Variants in DBX2 observed in about 807,000 individuals in gnomAD.
The protein encoded by DBX2 is developing brain homeobox 2, also known as homeobox protein DBX2.
DBX2 carries 16 observed loss-of-function variants against 17.7 expected under a neutral mutation model. The observed-to-expected ratio is 0.90, with a 90% CI of 0.61 to 1.37. The LOEUF (loss-of-function observed/expected upper bound fraction) is 1.37, where lower values mean the gene tolerates loss of function less well. Ranked by LOEUF, DBX2 falls within the 40% of genes most tolerant of loss-of-function variation. DBX2 has a pLI of 0.00. For missense variants in DBX2, 538 were observed against 433.8 expected, an observed-to-expected ratio of 1.24 and a Z score of -2.13; for synonymous variants, 255 against 183.8, an observed-to-expected ratio of 1.39 and a Z score of -3.13.
intron 1 of DBX2, among the ~76,000 whole-genome samples, chr12:45,049,441 G>A (rs1037634366): frequency 4.6e-5 from 7 of 152,208 alleles, no homozygotes; most frequent in Non-Finnish European, 1.0e-4. Flanking sequence ...GAATGAGACC[G>A]GTGTTCATAT....
chr12:45,043,279 A>G (rs1420254575), intron 1 of DBX2, among the ~76,000 whole-genome samples: 1 of 152,228 alleles, frequency 6.6e-6, no homozygotes, highest in Non-Finnish European at 1.5e-5. Context: ...TGCTTAACCA[A>G]GAGACATGGC....
intron 1 of DBX2, 144 bp from the exon 2 acceptor site, chr12:45,036,258 G>T (rs1946440597): frequency 4.1e-6 from 3 of 730,018 alleles, no homozygotes; most frequent in East Asian, 6.1e-5. Context: ...AGTAGCCTTT[G>T]TCTGTCAAAG....
At chr12:45,032,550 T>C (rs1459905322) in intron 2 of DBX2, among the ~76,000 whole-genome samples, 3 of 152,208 alleles carry the variant, frequency 2.0e-5, no homozygotes, top group Non-Finnish European at 1.5e-5. Flanking sequence ...AGAAAAATAA[T>C]GTCCCTTCCT....
intron 3 of DBX2, among the ~76,000 whole-genome samples, chr12:45,021,018 T>C (rs1207322592): frequency 6.6e-6 from 1 of 152,114 alleles, no homozygotes; most frequent in Non-Finnish European, 1.5e-5. Context: ...CCATAATAAA[T>C]ACCACGTAAT....
rs1211478579 is a variant in DBX2, at chr12:45,016,308, C to A, written c.998G>T (p.Gly333Val). ...LCSEEEAGSKGVLTGAV is the reference protein window; with the variant it reads ...LCSEEEAGSKVVLTGAV ...CATTCAGACAGCCCCAGTAAGTACA[C>A]CCTTGCTTCCAGCTTCTTCTTCAGA... is the stretch of plus-strand genomic sequence containing the variant. Residue 333 changes from glycine (G) to valine (V), a missense_variant, in exon 4 of 4, where the codon GGT becomes GTT. Gly to Val is a moderately radical substitution (Grantham distance 109, BLOSUM62 -3). Transcript: ENST00000332700. 1.3e-6 allele frequency: 2 copies of A among 1,588,212 alleles called. No homozygotes were observed. Among genetic ancestry groups the A allele is most frequent in the Non-Finnish European group, 1.7e-6 (2 of 1,169,066 alleles).
intron 1 of DBX2, among the ~76,000 whole-genome samples, chr12:45,039,278 T>TGTAC (rs1555142351): frequency 2.3e-4 from 1 of 4,432 alleles, no homozygotes; most frequent in East Asian, 4.5e-3. Context: ...GCATTGAAGG[T>TGTAC]ATATATATAT....
At chr12:45,021,527 CT>C (rs1946352018) in intron 3 of DBX2, among the ~76,000 whole-genome samples, 1 of 152,198 alleles carries the variant, frequency 6.6e-6, no homozygotes, top group Admixed American at 6.5e-5. Context: ...TGCTTTCCAT[CT>C]TTTGACACCT....
intron 3 of DBX2, among the ~76,000 whole-genome samples, chr12:45,019,919 C>T (rs774611769): frequency 9.2e-5 from 14 of 152,074 alleles, no homozygotes; most frequent in East Asian, 1.9e-4. Context: ...GCAAGGAATA[C>T]GCATGAGCTT....
intron 3 of DBX2, among the ~76,000 whole-genome samples, chr12:45,020,341 T>G (rs927683144): frequency 6.6e-6 from 1 of 152,150 alleles, no homozygotes. Context: ...TTTTCAAGGT[T>G]CATCCATATT....
intron 2 of DBX2, among the ~76,000 whole-genome samples, chr12:45,031,225 TGAGAGAGA>T (rs72031074): frequency 3.3e-3 from 286 of 85,648 alleles, no homozygotes; most frequent in Admixed American, 8.5e-3. Context: ...TGTGTGTGTG[TGAGAGAGA>T]GAGAGAGAGA....
Position 45,050,820 on chromosome 12 carries a change from C to G in DBX2, c.108G>C (p.Lys36Asn). The change falls in exon 1 of 4, where the codon AAG becomes AAC. Residue 36 changes from lysine (K) to asparagine (N), a missense_variant. Physicochemically the swap from Lys to Asn is moderately conservative, Grantham distance 94. Transcript: ENST00000332700. ...PAAPGFGNLG[K>N]SFLIENLLRV... The stretch of plus-strand genomic sequence containing the variant: ...GCAGCAAATTCTCGATCAGGAAACT[C>G]TTGCCCAGGTTGCCAAAGCCGGGCG... The G allele has an allele frequency of 6.5e-7, 1 of 1,539,012 alleles. No homozygotes were observed. Among genetic ancestry groups the G allele is most frequent in the Non-Finnish European group, 8.7e-7 (1 of 1,145,324 alleles).
chr12:45,034,057 C>T (rs1489934202), intron 2 of DBX2, among the ~76,000 whole-genome samples: 1 of 151,810 alleles, frequency 6.6e-6, no homozygotes, highest in African/African-American at 2.4e-5. Flanking sequence ...ATCTAGTAAA[C>T]TGGCCCAAAC....
chr12:45,042,435 A>G (rs1946476584), intron 1 of DBX2, among the ~76,000 whole-genome samples: 1 of 152,200 alleles, frequency 6.6e-6, no homozygotes, highest in Non-Finnish European at 1.5e-5. Context: ...TTCCAAGAAG[A>G]AAAGGTTGCA....
intron 2 of DBX2, among the ~76,000 whole-genome samples, chr12:45,031,223 TGTGAGAGAGAGAGA>T (rs985521154): frequency 2.3e-5 from 1 of 44,200 alleles, no homozygotes; most frequent in African/African-American, 7.8e-5. Flanking sequence ...TGTGTGTGTG[TGTGAGAGAGAGAGA>T]GAGAGAGAGA....
Position 45,023,783 on chromosome 12 carries a change from A to G in DBX2, c.611T>C (p.Met204Thr), listed in dbSNP as rs1452473529. 3.7e-6 allele frequency: 6 copies of G among 1,613,798 alleles called. No homozygotes were observed. The highest frequency in any genetic ancestry group is 5.1e-6 in the Non-Finnish European group (6 of 1,179,952). ...SEDQRKALEK[M>T]FQKQKYISKT... is the part of the protein sequence containing the mutation. ...GCTGATATATTTCTGTTTCTGAAAC[A>G]TTTTCTCCAGAGCCTTTCTCTGGTC... Residue 204 changes from methionine (M) to threonine (T), a missense_variant, in exon 3 of 4, where the codon ATG becomes ACG. Met to Thr is a moderately conservative substitution (Grantham distance 81). Coordinates refer to ENST00000332700, the MANE Select transcript of DBX2 (RefSeq NM_001004329.3).
rs1748469139 is a variant in DBX2 at position 45,023,868 on chromosome 12, T to C, written c.526A>G (p.Thr176Ala). 5.0e-6 allele frequency: 8 copies of C among 1,585,028 alleles called. No homozygotes were observed. Among genetic ancestry groups the C allele is most frequent in the Middle Eastern group, 1.7e-4 (1 of 5,892 alleles). Reference sequence around the variant, plus strand: ...CGAGCTTTGGAATTAGAGTCCTGTGTCAGGAGAGGCAGCATGCTCTCTTCT... The same window carrying C: ...CGAGCTTTGGAATTAGAGTCCTGTGCCAGGAGAGGCAGCATGCTCTCTTCT... ...PREESMLPLL[T>A]QDSNSKARRG... Residue 176 changes from threonine to alanine, a missense_variant, in exon 3 of 4, where the codon ACA becomes GCA. Thr to Ala is a moderately conservative substitution (Grantham distance 58). Coordinates refer to ENST00000332700, the MANE Select transcript of DBX2 (RefSeq NM_001004329.3).
chr12:45,043,790 A>G (rs1946484652), intron 1 of DBX2, among the ~76,000 whole-genome samples: 1 of 152,208 alleles, frequency 6.6e-6, no homozygotes, highest in Non-Finnish European at 1.5e-5. Flanking sequence ...CCCTTTTACC[A>G]ATAATTTGCT....
chr12:45,050,875 G>A lies in DBX2; in HGVS notation c.53C>T (p.Ala18Val). ...AHAGAYWDVV[A>V]SSALLNLPAA... ...GGGGAGGTTGAGGAGCGCGGAGGAA[G>A]CCACAACGTCCCAGTACGCACCGGC... Residue 18 changes from alanine (A) to valine (V), a missense_variant, in exon 1 of 4, where the codon GCT becomes GTT. Physicochemically the swap from Ala to Val is moderately conservative, Grantham distance 64 (BLOSUM62 0). Coordinates refer to ENST00000332700, the MANE Select transcript of DBX2 (RefSeq NM_001004329.3). 2.6e-6 allele frequency: 4 copies of A among 1,533,730 alleles called. No individual in the cohort carries two copies. The highest frequency in any genetic ancestry group is 1.2e-5 in the South Asian group (1 of 81,466).
intron 1 of DBX2, among the ~76,000 whole-genome samples, chr12:45,049,827 T>C (rs1359819244): frequency 6.6e-6 from 1 of 152,176 alleles, no homozygotes; most frequent in Non-Finnish European, 1.5e-5. Context: ...TATACGGTGA[T>C]TAAAATAAAC....
Sources: gnomAD v4.1 joint callset for allele counts (sites outside exome capture counted in the v4.1 genomes callset) on GRCh38, gnomAD v4.1.1 for gene constraint, MANE v1.5 for transcripts, NCBI Gene and HGNC (gene_info 2026-07-23, HGNC 2026-07-21) for gene names.